The following MACF1 variants were observed in gnomAD, a reference collection of about 807,000 sequenced individuals.
The protein encoded by MACF1 is microtubule-actin cross-linking factor 1.
In MACF1, 193 loss-of-function variants were observed where a neutral mutation model predicts 854.8. The observed-to-expected ratio is 0.23, with a 90% CI of 0.20 to 0.25. The LOEUF (loss-of-function observed/expected upper bound fraction) is 0.25, where lower values mean the gene tolerates loss of function less well. Among genes scored for constraint, MACF1 ranks in the 10% least tolerant of loss-of-function variants. The pLI, the probability that MACF1 is intolerant of heterozygous loss-of-function variation, is 1.00. For missense variants in MACF1, 7,722 were observed against 8,929.1 expected (o/e 0.86, Z 5.45); for synonymous variants, 3,185 against 3,226.7 (o/e 0.99, Z 0.44).
intron 2 of MACF1, among the ~76,000 whole-genome samples, chr1:39,125,915 C>A (rs1297740417): frequency 1.3e-5 from 2 of 152,188 alleles, no homozygotes; most frequent in African/African-American, 4.8e-5. Flanking sequence ...ATCGCTTTAA[C>A]CCGGGAGGCG....
At chr1:39,206,756 T>C (rs1180469114) in intron 1 of MACF1, 4 of 152,206 alleles carry the variant, frequency 2.6e-5, no homozygotes, top group African/African-American at 4.8e-5. Flanking sequence ...AAATCTTCCA[T>C]GGAGTTACTT....
intron 80 of MACF1, 98 bp from the exon 81 acceptor site, chr1:39,447,334 T>A (rs897110690): frequency 1.7e-6 from 2 of 1,153,886 alleles, no homozygotes; most frequent in Non-Finnish European, 2.5e-6. Context: ...TAGAGGTCAT[T>A]TCATTTGTTG....
intron 97 of MACF1, among the ~76,000 whole-genome samples, chr1:39,474,364 A>T (rs1034399263): frequency 2.0e-5 from 3 of 150,280 alleles, no homozygotes; most frequent in Non-Finnish European, 4.4e-5. Context: ...ACTCCGTCCT[A>T]GGCAATAGAG....
At chr1:39,309,886 C>T (rs1226860920) in intron 24 of MACF1, among the ~76,000 whole-genome samples, 190 bp downstream of exon 24, 1 of 152,162 alleles carries the variant, frequency 6.6e-6, no homozygotes, top group East Asian at 1.9e-4. Context: ...AAGGAAATTC[C>T]TAATTAGAAT....
At chr1:39,191,112 G>A (rs748031626) in intron 2 of MACF1, among the ~76,000 whole-genome samples, 1 of 151,872 alleles carries the variant, frequency 6.6e-6, no homozygotes, top group African/African-American at 2.4e-5. Flanking sequence ...GGGAAAAAAT[G>A]TAGGCAACTG....
chr1:39,246,411 CT>C (rs1644981433), intron 2 of MACF1, among the ~76,000 whole-genome samples: 1 of 152,206 alleles, frequency 6.6e-6, no homozygotes, highest in Non-Finnish European at 1.5e-5. Context: ...ATCCACTGCC[CT>C]TTTAACAAAC....
intron 97 of MACF1, among the ~76,000 whole-genome samples, chr1:39,477,074 T>TACACAC (rs1247508229): frequency 4.0e-5 from 1 of 24,926 alleles, no homozygotes; most frequent in Non-Finnish European, 1.0e-4. Context: ...TATATATATA[T>TACACAC]ATATATATAT....
At chr1:39,461,405 CT>C (rs1268177058) in intron 92 of MACF1, among the ~76,000 whole-genome samples, 2 of 151,918 alleles carry the variant, frequency 1.3e-5, no homozygotes, top group African/African-American at 4.8e-5. Context: ...GGAATATTAC[CT>C]TTTTTCGTTG....
intron 2 of MACF1, among the ~76,000 whole-genome samples, chr1:39,184,371 C>T (rs1644141028): frequency 6.6e-6 from 1 of 152,142 alleles, no homozygotes; most frequent in Non-Finnish European, 1.5e-5. Context: ...GAAGGCATGA[C>T]ATTTCCTCTG....
chr1:39,268,764 A>G (rs200751786), intron 6 of MACF1: 54 of 1,289,628 alleles, frequency 4.2e-5, no homozygotes, highest in Non-Finnish European at 5.0e-5. Context: ...GAAGGCTCCC[A>G]TATCTCCTAA....
intron 64 of MACF1, 98 bp from the exon 65 acceptor site, chr1:39,429,729 C>A: frequency 3.6e-6 from 4 of 1,111,900 alleles, no homozygotes; most frequent in Non-Finnish European, 5.3e-6. Context: ...AGAGAGAGAG[C>A]GTCTATGAAA....
intron 2 of MACF1, among the ~76,000 whole-genome samples, chr1:39,241,414 C>A (rs964757491): frequency 1.5e-4 from 23 of 152,124 alleles, no homozygotes; most frequent in Non-Finnish European, 3.2e-4. Context: ...AATGTCAGCA[C>A]TTTGGGAGGC....
chr1:39,289,140 G>A (rs1434072442), intron 15 of MACF1, among the ~76,000 whole-genome samples: 1 of 152,154 alleles, frequency 6.6e-6, no homozygotes, highest in African/African-American at 2.4e-5. Flanking sequence ...CCATTCATCT[G>A]TGATGGACAC....
At position 39,287,452 on chromosome 1, in the gene MACF1, T is replaced by C; in HGVS notation, c.1675T>C (p.Trp559Arg). Residue 559 changes from tryptophan to arginine, a missense_variant, in exon 15 of 101, where the codon TGG (tryptophan) becomes CGG (arginine). Transcript: ENST00000564288. Reference protein sequence around the residue: ...TKATHSSSTSWFRKPMTRAEL... With the variant: ...TKATHSSSTSRFRKPMTRAEL... ...GGCAACCCATTCTTCTTCTACCTCC[T>C]GGTTCCGAAAGCCTATGACTCGGGC... 6.2e-7 allele frequency: 1 copy of C among 1,614,178 alleles called. No homozygotes were observed. Among genetic ancestry groups the C allele is most frequent in the South Asian group, 1.1e-5 (1 of 91,082 alleles).
chr1:39,414,731 G>A (rs572197249), intron 58 of MACF1, among the ~76,000 whole-genome samples: 8 of 152,308 alleles, frequency 5.3e-5, no homozygotes, highest in Middle Eastern at 3.4e-3. Context: ...GATATAAACA[G>A]TTGTTGATTT....
At chr1:39,381,384 G>T (rs61563113) in intron 55 of MACF1, among the ~76,000 whole-genome samples, 76 of 145,024 alleles carry the variant, frequency 5.2e-4, no homozygotes, top group African/African-American at 1.7e-3. Context: ...TTTTTGGGGG[G>T]GGGGACAGGG....
At chr1:39,410,288 C>T (rs760898972) in intron 58 of MACF1, 2 of 1,601,824 alleles carry the variant, frequency 1.2e-6, no homozygotes, top group Non-Finnish European at 1.7e-6. Context: ...CTCAGCAGAC[C>T]AGACTGTTTA....
In MACF1 at chr1:39,387,313, C is replaced by A; in HGVS notation, c.14471C>A (p.Ala4824Glu). The change falls in exon 58 of 101, where the codon GCA (alanine) becomes GAA (glutamate). Residue 4824 changes from alanine to glutamate, a missense_variant. Physicochemically the swap from Ala to Glu is moderately radical, Grantham distance 107. Around this residue, in one of 15 missense-constraint regions of MACF1, gnomAD observed 2,807 missense variants for 3,235.8 expected, o/e 0.87. Coordinates refer to ENST00000564288, the MANE Select transcript of MACF1 (RefSeq NM_001394062.1). Reference sequence around the variant, plus strand: ...CAAGCAAAAAACTGCCCAATTTCTGCAAAATTGGAGCGGCTACAGTCTCAG... The same window carrying A: ...CAAGCAAAAAACTGCCCAATTTCTGAAAAATTGGAGCGGCTACAGTCTCAG... Reference protein sequence around the residue: ...SQQAKNCPISAKLERLQSQLQ... With the variant: ...SQQAKNCPISEKLERLQSQLQ... The A allele has an allele frequency of 1.2e-6, 2 of 1,614,162 alleles. No individual in the cohort carries two copies. The highest frequency in any genetic ancestry group is 1.7e-6 in the Non-Finnish European group (2 of 1,180,042).
chr1:39,483,161 T>TA (rs1306076110), intron 99 of MACF1, among the ~76,000 whole-genome samples: 2 of 148,196 alleles, frequency 1.3e-5, no homozygotes, highest in Non-Finnish European at 3.0e-5. Context: ...GCCTACTATC[T>TA]AAAAAACCAA....
Sources: gnomAD v4.1 joint callset for allele counts (sites outside exome capture counted in the v4.1 genomes callset) on GRCh38, gnomAD v4.1.1 for gene constraint, gnomAD v4.1.1 regional missense constraint, MANE v1.5 for transcripts, NCBI Gene and HGNC (gene_info 2026-07-23, HGNC 2026-07-21) for gene names.